COG5: variants seen among roughly 807,000 people sequenced by gnomAD.
COG5 encodes the protein conserved oligomeric Golgi complex subunit 5.
In COG5, 86 loss-of-function variants were observed where a neutral mutation model predicts 110.4. The observed-to-expected ratio is 0.78, with a 90% CI of 0.65 to 0.93. The LOEUF (loss-of-function observed/expected upper bound fraction) is 0.93. Ranked by LOEUF, COG5 falls within the 40% of genes least tolerant of loss-of-function variation. The pLI, the probability that COG5 is intolerant of heterozygous loss-of-function variation, is 0.00. For synonymous variants in COG5, 360 were observed against 334.6 expected (o/e 1.08, Z -0.83); for missense variants, 1,077 against 987.0 (o/e 1.09, Z -1.22).
intron 14 of COG5, among the ~76,000 whole-genome samples, chr7:107,277,443 A>G (rs1297914051): frequency 1.3e-5 from 2 of 152,168 alleles, no homozygotes; most frequent in African/African-American, 2.4e-5. Flanking sequence ...CCTAAAAAAA[A>G]CAAGAGAACA....
At chr7:107,333,442 C>T (rs1810442598) in intron 10 of COG5, among the ~76,000 whole-genome samples, 1 of 151,928 alleles carries the variant, frequency 6.6e-6, no homozygotes, top group Non-Finnish European at 1.5e-5. Context: ...ATAAGAAACC[C>T]AAAGAATTTC....
intron 6 of COG5, among the ~76,000 whole-genome samples, chr7:107,497,201 G>T (rs1339291945): frequency 6.6e-6 from 1 of 152,144 alleles, no homozygotes; most frequent in Non-Finnish European, 1.5e-5. Context: ...GAATGGCAAA[G>T]CAAGGCCCTG....
At chr7:107,309,430 T>C (rs1325171859) in intron 11 of COG5, among the ~76,000 whole-genome samples, 1 of 152,212 alleles carries the variant, frequency 6.6e-6, no homozygotes, top group Non-Finnish European at 1.5e-5. Flanking sequence ...TGTTATTTAC[T>C]GAACACTGTG....
chr7:107,311,710 G>C (rs1808286320), intron 11 of COG5, among the ~76,000 whole-genome samples: 1 of 151,914 alleles, frequency 6.6e-6, no homozygotes, highest in Non-Finnish European at 1.5e-5. Flanking sequence ...TTTCCCTATA[G>C]AGTTTTTGGC....
At chr7:107,393,450 T>G (rs1170148473) in intron 7 of COG5, among the ~76,000 whole-genome samples, 2 of 152,234 alleles carry the variant, frequency 1.3e-5, no homozygotes, top group African/African-American at 2.4e-5. Context: ...TGCTTCCAGC[T>G]ATTAAAAAGG....
chr7:107,390,776 G>C (rs933566084), intron 7 of COG5, among the ~76,000 whole-genome samples: 2 of 148,736 alleles, frequency 1.3e-5, no homozygotes, highest in Non-Finnish European at 3.0e-5. Flanking sequence ...TAAGAGCAAC[G>C]ATCGCCACAC....
At chr7:107,367,468 G>A (rs1813729703) in intron 8 of COG5, among the ~76,000 whole-genome samples, 1 of 151,870 alleles carries the variant, frequency 6.6e-6, no homozygotes, top group Non-Finnish European at 1.5e-5. Context: ...ACACCTACAT[G>A]TGTATGTATA....
In COG5 at chr7:107,351,646, C is replaced by T. The variant is rs562950781; in HGVS notation, c.1026+10387G>A. ...ACAAACAACCCCATCAAAAAGTGAG[C>T]AAAGGATACGAACAGACACTTCTCA... On this transcript the variant is annotated intron_variant, in intron 10 of 21. Coordinates refer to ENST00000297135, the MANE Select transcript of COG5 (RefSeq NM_006348.5). Among the ~76,000 whole-genome samples the T allele has an allele frequency of 5.0e-3, 767 of 152,226 alleles. 7 individuals carry two copies. Among genetic ancestry groups the T allele is most frequent in the Non-Finnish European group, 5.6e-3 (382 of 68,030 alleles).
intron 6 of COG5, 21 bp downstream of exon 6, chr7:107,527,216 T>TAAAAA: frequency 2.9e-6 from 4 of 1,386,794 alleles, no homozygotes; most frequent in South Asian, 1.4e-5. Flanking sequence ...ACTTTTTATT[T>TAAAAA]AAAAAAAAAA....
At chr7:107,506,736 G>T (rs1010881082) in intron 6 of COG5, among the ~76,000 whole-genome samples, 1 of 152,118 alleles carries the variant, frequency 6.6e-6, no homozygotes, top group South Asian at 2.1e-4. Flanking sequence ...AGGAACCACA[G>T]GTTTCAGGCC....
At chr7:107,531,588 G>A (rs1801202055) in intron 5 of COG5, among the ~76,000 whole-genome samples, 1 of 143,436 alleles carries the variant, frequency 7.0e-6, no homozygotes, top group African/African-American at 2.5e-5. Flanking sequence ...TTTTCAAAAT[G>A]AAGAAATAAT....
chr7:107,384,011 C>A (rs1469307336), intron 7 of COG5, among the ~76,000 whole-genome samples: 1 of 152,194 alleles, frequency 6.6e-6, no homozygotes, highest in East Asian at 1.9e-4. Context: ...TCTCCCTGTG[C>A]AAACTGGTAG....
chr7:107,403,863 A>G (rs938033817), intron 7 of COG5, among the ~76,000 whole-genome samples: 2 of 152,080 alleles, frequency 1.3e-5, no homozygotes, highest in African/African-American at 4.8e-5. Context: ...ATAAAAATGA[A>G]GTGACAATTT....
chr7:107,419,911 A>T (rs185499184), intron 6 of COG5, among the ~76,000 whole-genome samples: 33 of 152,344 alleles, frequency 2.2e-4, no homozygotes, highest in African/African-American at 6.0e-4. Context: ...AAGCCTATTA[A>T]ATAACACGTT....
intron 6 of COG5, among the ~76,000 whole-genome samples, chr7:107,423,697 G>A (rs1387727320): frequency 6.7e-6 from 1 of 150,362 alleles, no homozygotes; most frequent in Non-Finnish European, 1.5e-5. Context: ...TCCCTCAAGA[G>A]CAGAGATGCA....
intron 8 of COG5, among the ~76,000 whole-genome samples, chr7:107,365,092 A>G (rs1813483154): frequency 6.6e-6 from 1 of 152,148 alleles, no homozygotes; most frequent in Non-Finnish European, 1.5e-5. Context: ...TATTATAATT[A>G]TGAAACCCTT....
At chr7:107,452,649 C>T (rs1264457541) in intron 6 of COG5, among the ~76,000 whole-genome samples, 2 of 152,134 alleles carry the variant, frequency 1.3e-5, no homozygotes, top group African/African-American at 2.4e-5. Context: ...CTCTTCCTTG[C>T]CTTTCCCCAT....
At chr7:107,223,256 CAAT>C (rs1168767537) in intron 19 of COG5, among the ~76,000 whole-genome samples, 1 of 152,138 alleles carries the variant, frequency 6.6e-6, no homozygotes, top group Non-Finnish European at 1.5e-5. Context: ...GCACAGGACA[CAAT>C]GAGGGCCTCT....
intron 16 of COG5, among the ~76,000 whole-genome samples, chr7:107,253,535 TC>T (rs1802669678): frequency 6.6e-6 from 1 of 152,218 alleles, no homozygotes; most frequent in African/African-American, 2.4e-5. Flanking sequence ...AAAAAATGGA[TC>T]AGAATTACTG....
Sources: gnomAD v4.1 joint callset for allele counts (sites outside exome capture counted in the v4.1 genomes callset) on GRCh38, gnomAD v4.1.1 for gene constraint, MANE v1.5 for transcripts, NCBI Gene and HGNC (gene_info 2026-07-23, HGNC 2026-07-21) for gene names.